Variants in CNTN5 observed in about 807,000 individuals in gnomAD.
CNTN5 encodes contactin-5.
A neutral mutation model predicts 129.1 loss-of-function variants in CNTN5; 77 were observed. The ratio of observed to expected loss-of-function variants is 0.60; its 90% CI spans 0.50 to 0.72. The LOEUF (loss-of-function observed/expected upper bound fraction) is 0.72. Among genes scored for constraint, CNTN5 ranks in the 30% least tolerant of loss-of-function variants. The pLI is 0.00. For missense variants in CNTN5, 1,478 were observed against 1,328.8 expected, an observed-to-expected ratio of 1.11 and a Z score of -1.75; for synonymous variants, 509 against 465.6, an observed-to-expected ratio of 1.09 and a Z score of -1.20.
At chr11:99,846,040 A>G (rs1157054485) in intron 6 of CNTN5, among the ~76,000 whole-genome samples, 1 of 152,030 alleles carries the variant, frequency 6.6e-6, no homozygotes, top group Non-Finnish European at 1.5e-5. Flanking sequence ...TACCTCTGAA[A>G]TGCTAATATT....
chr11:99,761,600 CT>C (rs1347923540), intron 3 of CNTN5, among the ~76,000 whole-genome samples: 1 of 152,004 alleles, frequency 6.6e-6, no homozygotes, highest in East Asian at 1.9e-4. Context: ...TGAACTCATC[CT>C]TTTTTATGGC....
intron 3 of CNTN5, among the ~76,000 whole-genome samples, chr11:99,583,248 C>G (rs964291105): frequency 1.3e-5 from 2 of 152,202 alleles, no homozygotes; most frequent in Non-Finnish European, 2.9e-5. Context: ...GGGGGTGCCT[C>G]CCAGTTAGGC....
chr11:100,116,411 T>C, intron 13 of CNTN5, among the ~76,000 whole-genome samples: 1 of 151,474 alleles, frequency 6.6e-6, no homozygotes, highest in Non-Finnish European at 1.5e-5. Context: ...TCCTATCTAA[T>C]AAAAAAAATT....
At chr11:99,874,896 G>C (rs1004786273) in intron 6 of CNTN5, among the ~76,000 whole-genome samples, 1 of 152,034 alleles carries the variant, frequency 6.6e-6, no homozygotes, top group Admixed American at 6.6e-5. Context: ...TCCTGGAGCC[G>C]TTCACAATGA....
In CNTN5 at chr11:99,787,722, A is replaced by G. The variant is rs555987672; in HGVS notation, c.56-31822A>G. ...GACATAAAGTACATGATTTGTCTCT[A>G]TTAACTTTGACCAGAACCAGAAAAA... is the stretch of plus-strand genomic sequence containing the variant. On this transcript the variant is annotated intron_variant, in intron 3 of 24. Transcript: ENST00000524871. Among the ~76,000 whole-genome samples the G allele has an allele frequency of 2.5e-4, 38 of 152,144 alleles. No homozygotes were observed. The South Asian group carries it at 6.4e-3, about 26-fold the overall frequency.
At chr11:99,155,855 C>T (rs750910828) in intron 1 of CNTN5, among the ~76,000 whole-genome samples, 6 of 152,074 alleles carry the variant, frequency 3.9e-5, no homozygotes, top group Non-Finnish European at 8.8e-5. Context: ...AATCAGTGGG[C>T]AGACATAACC....
chr11:99,381,108 A>G (rs954107512), intron 2 of CNTN5, among the ~76,000 whole-genome samples: 1 of 152,198 alleles, frequency 6.6e-6, no homozygotes, highest in African/African-American at 2.4e-5. Flanking sequence ...TTGTCCAAAA[A>G]GTGACATATA....
At chr11:100,090,467 CT>C (rs1289635751) in intron 13 of CNTN5, among the ~76,000 whole-genome samples, 1 of 50,844 alleles carries the variant, frequency 2.0e-5, no homozygotes, top group African/African-American at 2.1e-4. Flanking sequence ...CTCTTTCTTT[CT>C]TTTTCTCTCT....
intron 1 of CNTN5, among the ~76,000 whole-genome samples, chr11:99,217,809 C>T (rs1860204653): frequency 6.6e-6 from 1 of 152,014 alleles, no homozygotes; most frequent in African/African-American, 2.4e-5. Context: ...AATCCTTCTG[C>T]TTATTTGCTA....
At chr11:99,320,317 A>T (rs1447387765) in intron 1 of CNTN5, among the ~76,000 whole-genome samples, 5 of 152,172 alleles carry the variant, frequency 3.3e-5, no homozygotes, top group African/African-American at 1.2e-4. Context: ...ATTGACTGGG[A>T]TTGAGAACAG....
At chr11:99,537,138 GGAA>G (rs1213563295) in intron 2 of CNTN5, among the ~76,000 whole-genome samples, 1 of 152,118 alleles carries the variant, frequency 6.6e-6, no homozygotes, top group East Asian at 1.9e-4. Flanking sequence ...ACTGGAAAAA[GGAA>G]GAGCTGAAAT....
At chr11:99,652,317 T>A (rs1452616672) in intron 3 of CNTN5, among the ~76,000 whole-genome samples, 1 of 152,052 alleles carries the variant, frequency 6.6e-6, no homozygotes, top group African/African-American at 2.4e-5. Flanking sequence ...GGGCAATCTA[T>A]CTTCAGTTGG....
In CNTN5 at chr11:99,241,684, C is replaced by T. The variant is rs150011314; in HGVS notation, c.-209-83662C>T. 2.0e-3 allele frequency among the ~76,000 whole-genome samples: 302 copies of T among 152,076 alleles called. 1 individual carries two copies. The highest frequency in any genetic ancestry group is 6.9e-3 in the African/African-American group (286 of 41,498). ...TAATCATATGTTCCTTTTATTACGT[C>T]TATAAAAATAATTTGTTGCTGAATA... On this transcript the variant is annotated intron_variant, in intron 1 of 24. Transcript: ENST00000524871.
chr11:99,698,990 T>A (rs1280144363), intron 3 of CNTN5, among the ~76,000 whole-genome samples: 1 of 150,940 alleles, frequency 6.6e-6, no homozygotes, highest in Non-Finnish European at 1.5e-5. Flanking sequence ...AAATTAAAAC[T>A]TTTTTTTCCT....
intron 6 of CNTN5, among the ~76,000 whole-genome samples, chr11:99,873,001 C>A (rs1160939563): frequency 6.6e-6 from 1 of 152,028 alleles, no homozygotes; most frequent in Non-Finnish European, 1.5e-5. Flanking sequence ...ATGTTTATTT[C>A]ATTTTTACCC....
chr11:99,940,027 G>A (rs1337678630), intron 7 of CNTN5, among the ~76,000 whole-genome samples: 15 of 152,054 alleles, frequency 9.9e-5, no homozygotes, highest in African/African-American at 2.4e-4. Flanking sequence ...TGATTTTACC[G>A]TCAGGATACA....
intron 1 of CNTN5, among the ~76,000 whole-genome samples, chr11:99,311,537 C>T (rs1261618117): frequency 1.3e-5 from 2 of 152,076 alleles, no homozygotes; most frequent in African/African-American, 4.8e-5. Flanking sequence ...TCTGAAACCT[C>T]ATCACAATGC....
intron 15 of CNTN5, among the ~76,000 whole-genome samples, chr11:100,213,765 C>T (rs1949082922): frequency 6.6e-6 from 1 of 152,058 alleles, no homozygotes. Context: ...GAATAGTTAG[C>T]TTTTTCTGAC....
At chr11:99,384,675 T>A (rs968195014) in intron 2 of CNTN5, among the ~76,000 whole-genome samples, 1 of 152,220 alleles carries the variant, frequency 6.6e-6, no homozygotes, top group African/African-American at 2.4e-5. Context: ...ATTGAACTAT[T>A]CTAATTATCT....
Sources: allele counts gnomAD v4.1 joint callset (sites outside exome capture counted in the v4.1 genomes callset), GRCh38; gene constraint gnomAD v4.1.1; transcripts MANE v1.5; gene names NCBI Gene and HGNC (gene_info 2026-07-23, HGNC 2026-07-21).